ICE1: variants seen among roughly 807,000 people sequenced by gnomAD.
The protein encoded by ICE1 is little elongation complex subunit 1.
A neutral mutation model predicts 192.7 loss-of-function variants in ICE1; 64 were observed. The observed-to-expected ratio is 0.33, with a 90% CI of 0.27 to 0.41. The LOEUF is 0.41. ICE1 is among the 10% of genes least tolerant of loss of function. The pLI, the probability that ICE1 is intolerant of heterozygous loss-of-function variation, is 1.00. For missense variants in ICE1, 2,708 were observed against 2,696.0 expected, an observed-to-expected ratio of 1.00 and a Z score of -0.10; for synonymous variants, 1,010 against 984.5, an observed-to-expected ratio of 1.03 and a Z score of -0.49.
chr5:5,486,993 T>C (rs1200090442), intron 18 of ICE1, among the ~76,000 whole-genome samples, 174 bp downstream of exon 18: 1 of 152,090 alleles, frequency 6.6e-6, no homozygotes, highest in East Asian at 1.9e-4. Flanking sequence ...GTGGATTTTG[T>C]GGTGGTATTT....
At chr5:5,489,050 G>A in intron 18 of ICE1, 99 bp from the exon 19 acceptor site, 4 of 968,666 alleles carry the variant, frequency 4.1e-6, no homozygotes, top group Non-Finnish European at 6.1e-6. Context: ...CTGGCAGAAA[G>A]CATTCTGTAT....
intron 11 of ICE1, among the ~76,000 whole-genome samples, chr5:5,455,065 G>A (rs1203836308): frequency 2.6e-5 from 4 of 152,188 alleles, no homozygotes; most frequent in Non-Finnish European, 4.4e-5. Flanking sequence ...CACAGTTATA[G>A]TCGATTTAGC....
rs143202164 is a variant in ICE1, at chr5:5,464,035, A to G, written c.4701A>G (p.Pro1567=). 4.9e-4 allele frequency: 797 copies of G among 1,613,704 alleles called. 3 individuals carry two copies. The African/African-American group carries it at 9.5e-3, about 19-fold the overall frequency. The part of the protein sequence containing the change: ...KISNKDQSNK[P]VKTSASSRVE... ...CAAACAAAGATCAGTCAAACAAACC[A>G]GTAAAAACTTCAGCGTCGAGCAGAG... Residue 1567 remains proline (P), a synonymous_variant, in exon 13 of 19, where the codon CCA becomes CCG. Coordinates refer to ENST00000296564, the MANE Select transcript of ICE1 (RefSeq NM_015325.3). The surrounding 1 kb of genome is among the most constrained non-coding windows in gnomAD (Gnocchi z 4.0).
intron 1 of ICE1, among the ~76,000 whole-genome samples, chr5:5,426,621 T>C (rs1737528289): frequency 6.6e-6 from 1 of 151,878 alleles, no homozygotes; most frequent in South Asian, 2.1e-4. Context: ...TGGCCTTTGA[T>C]GAAGGGGAAC....
intron 6 of ICE1, 97 bp downstream of exon 6, chr5:5,443,341 T>G (rs1256386786): frequency 4.6e-6 from 3 of 656,998 alleles, no homozygotes; most frequent in East Asian, 6.4e-5. Flanking sequence ...AGTCTTTGGA[T>G]TTCTTGGCCA....
chr5:5,486,144 T>A (rs1739633344), intron 17 of ICE1, among the ~76,000 whole-genome samples: 1 of 152,192 alleles, frequency 6.6e-6, no homozygotes, highest in South Asian at 2.1e-4. Flanking sequence ...CCAGGTTTAG[T>A]GAGAGTAATT....
chr5:5,450,491 CAGA>C (rs1212896722), intron 10 of ICE1, among the ~76,000 whole-genome samples: 2 of 152,082 alleles, frequency 1.3e-5, no homozygotes, highest in African/African-American at 4.8e-5. Context: ...AGAACAGAAA[CAGA>C]AGGAGAGAAG....
At chr5:5,457,266 CTT>C (rs200377078) in intron 11 of ICE1, 64 bp from the exon 12 acceptor site, 94 of 1,082,756 alleles carry the variant, frequency 8.7e-5, no homozygotes, top group South Asian at 1.2e-4. Flanking sequence ...TTCTTTCTTT[CTT>C]TTTTTTTTTT....
chr5:5,489,893 C>G lies in ICE1; in HGVS notation c.*563C>G, dbSNP rs1380531404. 1 of 152,218 alleles carries G rather than the reference C, an allele frequency of 6.6e-6. No individual in the cohort carries two copies. Among genetic ancestry groups the G allele is most frequent in the Non-Finnish European group, 1.5e-5 (1 of 68,048 alleles). The allele number at this position is 152,218 out of a possible 1,614,324, so 9.4% of individuals were successfully genotyped here. A position where few individuals can be genotyped will look rare whatever the true frequency, so the allele number is the denominator to read the frequency against. On this transcript the variant is annotated 3_prime_UTR_variant, in exon 19 of 19. Transcript: ENST00000296564. ...GCAGAAACCCACTTTAATGCATTTT[C>G]TTCATATCCCTAAAGTTCCTTAAAA...
chr5:5,452,377 G>A (rs914654030), intron 10 of ICE1, among the ~76,000 whole-genome samples: 1 of 151,912 alleles, frequency 6.6e-6, no homozygotes, highest in Non-Finnish European at 1.5e-5. Flanking sequence ...CATATACATT[G>A]TACCGTTATT....
At position 5,464,269 on chromosome 5, in the gene ICE1, G is replaced by A. The variant is rs1287938142; in HGVS notation, c.4935G>A (p.Arg1645=). The A allele has an allele frequency of 1.7e-5, 28 of 1,613,346 alleles. No homozygotes were observed. The highest frequency in any genetic ancestry group is 2.4e-5 in the Non-Finnish European group (28 of 1,179,776). The stretch of plus-strand genomic sequence containing the variant: ...CTCCTCTGATAGCTACACCTCCAAG[G>A]ACTTCACAGCCACTGTCTCCACTGA... The part of the protein sequence containing the change: ...LLAPLIATPP[R]TSQPLSPLIS... Residue 1645 remains arginine (R), a synonymous_variant, in exon 13 of 19, where the codon AGG becomes AGA. Coordinates refer to ENST00000296564, the MANE Select transcript of ICE1 (RefSeq NM_015325.3). This position sits in a 1 kb window ranked among gnomAD's most constrained non-coding sequence, Gnocchi z 4.0.
chr5:5,452,140 C>T (rs1015505892), intron 10 of ICE1, among the ~76,000 whole-genome samples: 2 of 148,320 alleles, frequency 1.3e-5, no homozygotes, highest in Non-Finnish European at 3.0e-5. Flanking sequence ...AAAAACAAGG[C>T]AAGCATGCTT....
chr5:5,482,982 G>A lies in ICE1; in HGVS notation c.6521-3739G>A, dbSNP rs191248359. On this transcript the variant is annotated intron_variant, in intron 17 of 18. Transcript: ENST00000296564. ...CTAATCTTCATAAAATAAAGGAATTGTCTTTATTCTTTTTTTGTTTTTTTT... is the reference window on the plus strand; with the variant it reads ...CTAATCTTCATAAAATAAAGGAATTATCTTTATTCTTTTTTTGTTTTTTTT... Among the ~76,000 whole-genome samples the A allele has an allele frequency of 2.7e-4, 41 of 152,056 alleles. 1 individual carries two copies. The highest frequency in any genetic ancestry group is 2.5e-3 in the Admixed American group (38 of 15,254).
intron 1 of ICE1, among the ~76,000 whole-genome samples, chr5:5,427,227 C>A (rs189197836): frequency 6.6e-6 from 1 of 152,126 alleles, no homozygotes; most frequent in Non-Finnish European, 1.5e-5. Flanking sequence ...TGTTTTGTTA[C>A]GCTCATTGAT....
chr5:5,446,135 G>C (rs762248577), intron 7 of ICE1, among the ~76,000 whole-genome samples: 1 of 151,834 alleles, frequency 6.6e-6, no homozygotes, highest in Non-Finnish European at 1.5e-5. Flanking sequence ...TCAGCCTCCA[G>C]AGTAGATGGG....
chr5:5,481,183 A>G (rs547471661), intron 17 of ICE1, among the ~76,000 whole-genome samples: 64 of 152,334 alleles, frequency 4.2e-4, no homozygotes, highest in South Asian at 2.7e-3. Flanking sequence ...AGTTAAAAAA[A>G]ATTAGAAGAG....
chr5:5,441,296 G>A lies in ICE1; in HGVS notation c.309+73G>A, dbSNP rs529814802. 1.2e-4 allele frequency: 113 copies of A among 947,448 alleles called. No individual in the cohort carries two copies. The South Asian group carries it at 1.3e-3, about 11-fold the overall frequency. The allele number at this position is 947,448 out of a possible 1,614,324, so 58.7% of individuals were successfully genotyped here. On this transcript the variant is annotated intron_variant, in intron 5 of 18. Transcript: ENST00000296564. ...TGAGCTTATTCGGTATAATTGGGAC[G>A]AGGGGGCTTTTGATGTGTTAAAGGA...
At chr5:5,446,642 C>T (rs1212749558) in intron 7 of ICE1, among the ~76,000 whole-genome samples, 2 of 152,090 alleles carry the variant, frequency 1.3e-5, no homozygotes, top group Non-Finnish European at 2.9e-5. Context: ...TTAGAACAGA[C>T]TTTCTGTGAA....
chr5:5,433,310 C>G (rs924973904), intron 1 of ICE1, among the ~76,000 whole-genome samples: 2 of 152,124 alleles, frequency 1.3e-5, no homozygotes, highest in Admixed American at 1.3e-4. Context: ...GGATTAAATG[C>G]TTATGAGAAA....
Sources: gnomAD v4.1 joint callset for allele counts (sites outside exome capture counted in the v4.1 genomes callset) on GRCh38, gnomAD v4.1.1 for gene constraint, Gnocchi (gnomAD v3.1) non-coding constraint, MANE v1.5 for transcripts, NCBI Gene and HGNC (gene_info 2026-07-23, HGNC 2026-07-21) for gene names.